CDH15: variants seen among roughly 807,000 people sequenced by gnomAD.
CDH15 encodes cadherin-15.
CDH15 carries 73 observed loss-of-function variants against 69.4 expected under a neutral mutation model. The observed-to-expected ratio is 1.05, with a 90% CI of 0.87 to 1.28. The LOEUF is 1.28. Among genes scored for constraint, CDH15 ranks in the 50% most tolerant of loss-of-function variants. The pLI, the probability that CDH15 is intolerant of heterozygous loss-of-function variation, is 0.00. For synonymous variants in CDH15, 624 were observed against 507.7 expected, an observed-to-expected ratio of 1.23 and a Z score of -3.08; for missense variants, 1,343 against 1,133.6, an observed-to-expected ratio of 1.18 and a Z score of -2.65.
chr16:89,184,911 G>A (rs1033347660), intron 4 of CDH15, among the ~76,000 whole-genome samples: 4 of 152,216 alleles, frequency 2.6e-5, no homozygotes, highest in African/African-American at 9.6e-5. Flanking sequence ...AGCACAAGCC[G>A]GGCAAAAGGC....
intron 1 of CDH15, among the ~76,000 whole-genome samples, chr16:89,177,395 C>T (rs1915280020): frequency 6.6e-6 from 1 of 152,154 alleles, no homozygotes; most frequent in Non-Finnish European, 1.5e-5. Context: ...TCAGCAGCCC[C>T]ATGTGGCCTG....
intron 1 of CDH15, among the ~76,000 whole-genome samples, chr16:89,172,906 G>C (rs924378526): frequency 1.3e-5 from 2 of 152,172 alleles, no homozygotes; most frequent in African/African-American, 2.4e-5. Flanking sequence ...TCCTGGGGTG[G>C]TCAGGGAGTG....
rs752699952 is a variant in CDH15, at chr16:89,192,504, C to G, written c.1855+60C>G. ...GACCCTCGGACCCTCCTCCCCAGGC[C>G]GTCCCCTGCTAACCAGCCACGCCGC... On this transcript the variant is annotated intron_variant, in intron 11 of 13. Coordinates refer to ENST00000289746, the MANE Select transcript of CDH15 (RefSeq NM_004933.3). 1.2e-3 allele frequency: 1,837 copies of G among 1,541,030 alleles called. 1 individual carries two copies. The highest frequency in any genetic ancestry group is 1.5e-3 in the Non-Finnish European group (1,745 of 1,149,816).
chr16:89,194,809 G>T (rs964183764), intron 13 of CDH15, 53 bp from the exon 14 acceptor site: 20 of 1,541,584 alleles, frequency 1.3e-5, no homozygotes, highest in Admixed American at 1.9e-5. Context: ...CCACGGCGGT[G>T]GGGCACCCGC....
At chr16:89,193,684 A>T in intron 12 of CDH15, 71 bp from the exon 13 acceptor site, 1 of 1,571,598 alleles carries the variant, frequency 6.4e-7, no homozygotes, top group Non-Finnish European at 8.6e-7. Flanking sequence ...GCTGGCCAGG[A>T]GCCTGTACCT....
In CDH15 at chr16:89,190,308, G is replaced by T; in HGVS notation, c.1044G>T (p.Leu348=). 6.2e-7 allele frequency: 1 copy of T among 1,611,994 alleles called. No homozygotes were observed. ...TGTCGGTGCAGAATGAGGCCCCGCT[G>T]CAGGCGGCTGCCCTTAGGGCTGAGC... ...LKVSVQNEAP[L]QAAALRAERG... The change falls in exon 8 of 14, where the codon CTG becomes CTT. Residue 348 remains leucine, a synonymous_variant. Coordinates refer to ENST00000289746, the MANE Select transcript of CDH15 (RefSeq NM_004933.3).
intron 1 of CDH15, 98 bp from the exon 2 acceptor site, chr16:89,179,318 C>A: frequency 2.9e-6 from 4 of 1,385,778 alleles, no homozygotes; most frequent in African/African-American, 1.4e-5. Context: ...GGAAACACTG[C>A]GCCCCGTGGC....
intron 1 of CDH15, among the ~76,000 whole-genome samples, chr16:89,174,270 A>G (rs900723604): frequency 6.6e-6 from 1 of 152,198 alleles, no homozygotes; most frequent in Non-Finnish European, 1.5e-5. Context: ...CTGGCCATCC[A>G]GGAACGGGGT....
rs1251721249 is a variant in CDH15 at position 89,171,843 on chromosome 16, G to A, written c.12G>A (p.Ala4=). 1.3e-6 allele frequency: 2 copies of A among 1,559,538 alleles called. No individual in the cohort carries two copies. The highest frequency in any genetic ancestry group is 1.9e-5 in the Admixed American group (1 of 53,316). ...CCGCCTCGGCCCCGATGGACGCCGC[G>A]TTCCTCCTCGTCCTCGGGCTGTTGG... is the stretch of plus-strand genomic sequence containing the variant. The part of the protein sequence containing the change: MDA[A]FLLVLGLLAQ... Residue 4 remains alanine, a synonymous_variant, in exon 1 of 14, where the codon GCG becomes GCA. Transcript: ENST00000289746.
chr16:89,172,774 G>T, intron 1 of CDH15, among the ~76,000 whole-genome samples: 1 of 152,224 alleles, frequency 6.6e-6, no homozygotes, highest in South Asian at 2.1e-4. Context: ...GGCTGGGCTG[G>T]GGCATGGCCG....
At chr16:89,182,633 T>C (rs7405436) in intron 3 of CDH15, 61,653 of 151,194 alleles carry the variant, frequency 0.41, 12,954 homozygotes, top group East Asian at 0.67. Context: ...CAGAGCGAGA[T>C]GCCATCTCAA....
chr16:89,181,172 T>C (rs904452986), intron 3 of CDH15, among the ~76,000 whole-genome samples: 1 of 152,118 alleles, frequency 6.6e-6, no homozygotes, highest in South Asian at 2.1e-4. Context: ...TTTCACCATG[T>C]TGGCCTCCCA....
chr16:89,171,930 T>A, intron 1 of CDH15, 57 bp downstream of exon 1: 1 of 1,482,112 alleles, frequency 6.7e-7, no homozygotes, highest in South Asian at 1.2e-5. Context: ...TGCGGGACAG[T>A]GTCTTCAACT....
At chr16:89,174,949 C>G (rs537004992) in intron 1 of CDH15, among the ~76,000 whole-genome samples, 19 of 152,242 alleles carry the variant, frequency 1.2e-4, no homozygotes, top group Admixed American at 3.3e-4. Context: ...CCTCCCTCCA[C>G]TGGCCACGTC....
At chr16:89,180,974 C>CTTTTT (rs770080908) in intron 3 of CDH15, among the ~76,000 whole-genome samples, 2 of 96,998 alleles carry the variant, frequency 2.1e-5, no homozygotes, top group South Asian at 4.0e-4. Flanking sequence ...CGCGCCCGAC[C>CTTTTT]TTTTTTTTTT....
rs1004148577 is a variant in CDH15 at position 89,187,480 on chromosome 16, G to A, written c.715G>A (p.Gly239Ser). The change falls in exon 6 of 14, where the codon GGC (glycine) becomes AGC (serine). Residue 239 changes from glycine to serine, a missense_variant. Gly to Ser is a moderately conservative substitution (Grantham distance 56). Transcript: ENST00000289746. The part of the protein sequence containing the change: ...TLQVADMSGD[G>S]LTATASAIIT... ...GCAGGTGGCGGACATGTCTGGAGAC[G>A]GCCTCACAGCCACTGCCTCAGCCAT... 11 of 1,613,596 alleles carry A rather than the reference G, an allele frequency of 6.8e-6. No individual in the cohort carries two copies. Among genetic ancestry groups the A allele is most frequent in the African/African-American group, 1.3e-5 (1 of 75,054 alleles).
rs1456751258 is a variant in CDH15 at position 89,187,301 on chromosome 16, GTCT to G, written c.664-125_664-123del. ...GGCAGGATTCTCAGGGCCACTTGGG[GTCT>G]TCAACACCCACTGGGTGCTCCCGTA... On this transcript the variant is annotated intron_variant, in intron 5 of 13. Coordinates refer to ENST00000289746, the MANE Select transcript of CDH15 (RefSeq NM_004933.3). 7.5e-6 allele frequency: 8 copies of G among 1,062,880 alleles called. 1 individual carries two copies. The highest frequency in any genetic ancestry group is 8.4e-6 in the Non-Finnish European group (6 of 713,610). The allele number at this position is 1,062,880 out of a possible 1,614,324, so 65.8% of individuals were successfully genotyped here.
chr16:89,184,784 G>A (rs1180955037), intron 4 of CDH15, among the ~76,000 whole-genome samples: 2 of 152,118 alleles, frequency 1.3e-5, no homozygotes, highest in East Asian at 3.9e-4. Flanking sequence ...GCTCCTGGAG[G>A]CCCCCGCTAG....
chr16:89,182,312 TCCCAGCCTGTCCTCC>T (rs1915398295), intron 3 of CDH15, among the ~76,000 whole-genome samples: 1 of 83,688 alleles, frequency 1.2e-5, no homozygotes, highest in Non-Finnish European at 2.4e-5. Flanking sequence ...GCCTGCCCTC[TCCCAGCCTGTCCTCC>T]CCCAGCCTGC....
Sources: allele counts gnomAD v4.1 joint callset (sites outside exome capture counted in the v4.1 genomes callset), GRCh38; gene constraint gnomAD v4.1.1; transcripts MANE v1.5; gene names NCBI Gene and HGNC (gene_info 2026-07-23, HGNC 2026-07-21).